The following SERTM1 variants were observed in gnomAD, a reference collection of about 807,000 sequenced individuals.
SERTM1 encodes the protein serine rich and transmembrane domain containing 1.
SERTM1 carries 1 observed loss-of-function variant against 5.5 expected under a neutral mutation model. The observed-to-expected ratio is 0.18, with a 90% CI of 0.06 to 0.86. The LOEUF is 0.86. Among genes scored for constraint, SERTM1 ranks in the 40% least tolerant of loss-of-function variants. The probability of loss-of-function intolerance (pLI) is 0.69; values close to 1 mark genes in which losing one functional copy is unlikely to be tolerated. For missense variants in SERTM1, 91 were observed against 122.4 expected (o/e 0.74, Z 1.21); for synonymous variants, 52 against 55.1 (o/e 0.94, Z 0.25).
chr13:36,695,220 T>C lies in SERTM1; in HGVS notation c.142T>C (p.Phe48Leu). Residue 48 changes from phenylalanine to leucine, a missense_variant, in exon 2 of 2, where the codon TTC becomes CTC. Transcript: ENST00000315190. ...AAACGTCTACATCTATGTGTCCATA[T>C]TCCTCAGCCTTTTAGCGTTTCTGCT... ...LSNVYIYVSI[F>L]LSLLAFLLLL... 3 of 1,614,218 alleles carry C rather than the reference T, an allele frequency of 1.9e-6. No homozygotes were observed. Among genetic ancestry groups the C allele is most frequent in the Non-Finnish European group, 2.5e-6 (3 of 1,180,040 alleles).
At position 36,695,049 on chromosome 13, in the gene SERTM1, T is replaced by C. The variant is rs538326160; in HGVS notation, c.-30T>C. On this transcript the variant is annotated 5_prime_UTR_variant, in exon 2 of 2. Transcript: ENST00000315190. ...CCTGTGTGAAGTTTTGACTTTAATCTACCAGATCACTCCTTCACCCTCCAT... is the reference window on the plus strand; with the variant it reads ...CCTGTGTGAAGTTTTGACTTTAATCCACCAGATCACTCCTTCACCCTCCAT... 1 of 1,539,140 alleles carries C rather than the reference T, an allele frequency of 6.5e-7. No homozygotes were observed. Among genetic ancestry groups the C allele is most frequent in the African/African-American group, 1.4e-5 (1 of 73,006 alleles).
chr13:36,694,197 A>G (rs900795927), intron 1 of SERTM1, among the ~76,000 whole-genome samples: 1 of 152,242 alleles, frequency 6.6e-6, no homozygotes, highest in Non-Finnish European at 1.5e-5. Context: ...CCAGTTTCCC[A>G]AAGATAATGG....
intron 1 of SERTM1, among the ~76,000 whole-genome samples, chr13:36,675,128 A>C (rs1030277566): frequency 6.6e-6 from 1 of 152,156 alleles, no homozygotes; most frequent in Non-Finnish European, 1.5e-5. Context: ...GTTTGATCTC[A>C]GACTCTAGAG....
chr13:36,676,410 G>GT (rs1180287582), intron 1 of SERTM1, among the ~76,000 whole-genome samples: 1 of 151,398 alleles, frequency 6.6e-6, no homozygotes, highest in Non-Finnish European at 1.5e-5. Context: ...TTTTTGGGGG[G>GT]TCCTTTTTTT....
At chr13:36,694,011 A>G (rs976335479) in intron 1 of SERTM1, among the ~76,000 whole-genome samples, 4 of 152,036 alleles carry the variant, frequency 2.6e-5, no homozygotes, top group Non-Finnish European at 5.9e-5. Context: ...CCCATCCACC[A>G]AGTCCCATTA....
chr13:36,679,407 G>T (rs2056689662), intron 1 of SERTM1, among the ~76,000 whole-genome samples: 1 of 151,944 alleles, frequency 6.6e-6, no homozygotes, highest in South Asian at 2.1e-4. Context: ...TTTTGTTTTT[G>T]TTTGTTTTTT....
rs765476413 is a variant in SERTM1, at chr13:36,678,679, T to TTATATATATATATATATATATATA, written c.-174+4511_-174+4512insTATATATATATATATATATATATA. ...CCTGGAACTTAAAATAAAATAAAAT[T>TTATATATATATATATATATATATA]TATATATATATATATAAAATATAGT... On this transcript the variant is annotated intron_variant, in intron 1 of 1. Transcript: ENST00000315190. 2.6e-3 allele frequency among the ~76,000 whole-genome samples: 342 copies of TTATATATATATATATATATATATA among 133,658 alleles called. 10 individuals are homozygous for TTATATATATATATATATATATATA. The highest frequency in any genetic ancestry group is 4.0e-3 in the Admixed American group (54 of 13,540). The allele number at this position is 133,658 out of a possible 152,430, so 87.7% of individuals were successfully genotyped here.
intron 1 of SERTM1, among the ~76,000 whole-genome samples, chr13:36,679,728 A>AT (rs1239381167): frequency 1.3e-5 from 2 of 151,940 alleles, no homozygotes; most frequent in African/African-American, 2.4e-5. Context: ...CCTTGAACAC[A>AT]TTTTTTTCTG....
rs1304349343 is a variant in SERTM1 at position 36,695,643 on chromosome 13, C to T, written c.*241C>T. The T allele has an allele frequency of 1.8e-6, 1 of 555,886 alleles. No homozygotes were observed. The highest frequency in any genetic ancestry group is 3.3e-6 in the Non-Finnish European group (1 of 307,114). The allele number at this position is 555,886 out of a possible 1,614,324, so 34.4% of individuals were successfully genotyped here. On this transcript the variant is annotated 3_prime_UTR_variant, in exon 2 of 2. Coordinates refer to ENST00000315190, the MANE Select transcript of SERTM1 (RefSeq NM_203451.3). ...ATTTCACACAAATGGCTTGATGAAT[C>T]TAGACTGGGCTTCTTCAGGTAAGTC...
chr13:36,696,605 C>T lies in SERTM1; in HGVS notation c.*1203C>T, dbSNP rs985673108. 1.2e-5 allele frequency: 2 copies of T among 166,854 alleles called. No homozygotes were observed. The highest frequency in any genetic ancestry group is 2.9e-5 in the Non-Finnish European group (2 of 68,074). 10.3% of individuals were successfully genotyped at this position (166,854 alleles called of 1,614,324 possible). On this transcript the variant is annotated 3_prime_UTR_variant, in exon 2 of 2. Coordinates refer to ENST00000315190, the MANE Select transcript of SERTM1 (RefSeq NM_203451.3). ...GCAGGCAGCAGAGTATGTCTGAACT[C>T]GGCGGGCGGGTGGCAGGGGCTGTCT... is the stretch of plus-strand genomic sequence containing the variant.
chr13:36,685,602 T>A (rs902318673), intron 1 of SERTM1, among the ~76,000 whole-genome samples: 1 of 152,208 alleles, frequency 6.6e-6, no homozygotes, highest in African/African-American at 2.4e-5. Context: ...TAGCTTCAAT[T>A]TCTGAACTGT....
At chr13:36,689,342 C>T (rs1566230605) in intron 1 of SERTM1, among the ~76,000 whole-genome samples, 1 of 151,794 alleles carries the variant, frequency 6.6e-6, no homozygotes, top group African/African-American at 2.4e-5. Context: ...CCCATCTCTA[C>T]TAAAATACAA....
At position 36,697,337 on chromosome 13, in the gene SERTM1, A is replaced by ATATATATATATATATAT. The variant is rs1566234536; in HGVS notation, c.*1935_*1936insTATATATATATATATAT. ...AATATATATATATATATATATATAT[A>ATATATATATATATATAT]AACTCACATACTCCCAATTAAAAGT... On this transcript the variant is annotated 3_prime_UTR_variant, in exon 2 of 2. Transcript: ENST00000315190. 1.2e-5 allele frequency: 2 copies of ATATATATATATATATAT among 163,522 alleles called. No individual in the cohort carries two copies. The highest frequency in any genetic ancestry group is 4.9e-5 in the African/African-American group (2 of 40,632). The allele number at this position is 163,522 out of a possible 1,614,324, so 10.1% of individuals were successfully genotyped here. A position where few individuals can be genotyped will look rare whatever the true frequency, so the allele number is the denominator to read the frequency against.
At chr13:36,674,675 T>C (rs1411913620) in intron 1 of SERTM1, among the ~76,000 whole-genome samples, 1 of 152,076 alleles carries the variant, frequency 6.6e-6, no homozygotes, top group Non-Finnish European at 1.5e-5. Context: ...CCTGTCTGAT[T>C]TTCTAGGGTC....
At chr13:36,679,995 T>TA (rs2056693578) in intron 1 of SERTM1, among the ~76,000 whole-genome samples, 1 of 152,198 alleles carries the variant, frequency 6.6e-6, no homozygotes, top group South Asian at 2.1e-4. Context: ...ATAAGGTGTA[T>TA]ATGAAACATA....
At chr13:36,691,399 A>AC (rs1356141648) in intron 1 of SERTM1, among the ~76,000 whole-genome samples, 1 of 151,878 alleles carries the variant, frequency 6.6e-6, no homozygotes, top group Non-Finnish European at 1.5e-5. Flanking sequence ...CTGTTTCCCC[A>AC]CCCCACTGGG....
chr13:36,695,170 T>C lies in SERTM1; in HGVS notation c.92T>C (p.Val31Ala). Reference sequence around the variant, plus strand: ...TTTCCCACATCCCTGTCCACGTCAGTGGACCCATCCTCAGGCCACCTGTCA... The same window carrying C: ...TTTCCCACATCCCTGTCCACGTCAGCGGACCCATCCTCAGGCCACCTGTCA... ...ELFPTSLSTS[V>A]DPSSGHLSNV... Residue 31 changes from valine (V) to alanine (A), a missense_variant, in exon 2 of 2, where the codon GTG (valine) becomes GCG (alanine). By Grantham distance (64) the Val-to-Ala change is moderately conservative. Transcript: ENST00000315190. 6.2e-7 allele frequency: 1 copy of C among 1,614,190 alleles called. No individual in the cohort carries two copies. The highest frequency in any genetic ancestry group is 1.1e-5 in the South Asian group (1 of 91,082).
intron 1 of SERTM1, among the ~76,000 whole-genome samples, chr13:36,686,282 G>A (rs1203173646): frequency 6.6e-6 from 1 of 152,192 alleles, no homozygotes; most frequent in Non-Finnish European, 1.5e-5. Context: ...GTAGCAGCAA[G>A]TAGTTGAGCT....
intron 1 of SERTM1, among the ~76,000 whole-genome samples, chr13:36,683,271 C>G (rs944117336): frequency 2.6e-5 from 4 of 152,162 alleles, no homozygotes; most frequent in African/African-American, 9.7e-5. Context: ...GCCCTTAAAC[C>G]TAACACTTCT....
Sources: allele counts gnomAD v4.1 joint callset (sites outside exome capture counted in the v4.1 genomes callset), GRCh38; gene constraint gnomAD v4.1.1; transcripts MANE v1.5; gene names NCBI Gene and HGNC (gene_info 2026-07-23, HGNC 2026-07-21).